The following SYN3 variants were observed in gnomAD, a reference collection of about 807,000 sequenced individuals.
The protein encoded by SYN3 is synapsin III.
Under a neutral mutation model 65.8 loss-of-function variants are expected in SYN3, and 35 were observed. The observed-to-expected ratio is 0.53, with a 90% CI of 0.41 to 0.70. The LOEUF (loss-of-function observed/expected upper bound fraction) is 0.70, where lower values mean the gene tolerates loss of function less well. Ranked by LOEUF, SYN3 falls within the 30% of genes least tolerant of loss-of-function variation. The pLI is 0.00. For missense variants in SYN3, 680 were observed against 749.0 expected (o/e 0.91, Z 1.08); for synonymous variants, 270 against 292.9 (o/e 0.92, Z 0.80).
At chr22:32,946,243 G>C (rs558612016) in intron 3 of SYN3, among the ~76,000 whole-genome samples, 1 of 152,094 alleles carries the variant, frequency 6.6e-6, no homozygotes, top group African/African-American at 2.4e-5. Context: ...ACATGCACAC[G>C]TATGTTTATT....
At chr22:32,653,341 G>C (rs529814373) in intron 6 of SYN3, among the ~76,000 whole-genome samples, 3 of 151,836 alleles carry the variant, frequency 2.0e-5, no homozygotes, top group African/African-American at 4.8e-5. Context: ...GCAAAATCAC[G>C]GCTAAAATAT....
chr22:32,710,817 A>G (rs901889593), intron 6 of SYN3, among the ~76,000 whole-genome samples: 7 of 152,074 alleles, frequency 4.6e-5, no homozygotes, highest in Admixed American at 3.3e-4. Flanking sequence ...TACTGCCTGC[A>G]GAACCATGAG....
At chr22:32,821,751 C>A (rs1392640041) in intron 6 of SYN3, among the ~76,000 whole-genome samples, 1 of 152,216 alleles carries the variant, frequency 6.6e-6, no homozygotes, top group Admixed American at 6.5e-5. Context: ...CACGTAGCTC[C>A]TCTTGTCACC....
chr22:32,657,145 A>T (rs1256702057), intron 6 of SYN3, among the ~76,000 whole-genome samples: 1 of 151,044 alleles, frequency 6.6e-6, no homozygotes, highest in East Asian at 2.0e-4. Context: ...TCTTTTTGAG[A>T]CGGAGTCTTG....
At chr22:32,757,731 C>T (rs1206531396) in intron 6 of SYN3, among the ~76,000 whole-genome samples, 1 of 152,216 alleles carries the variant, frequency 6.6e-6, no homozygotes, top group African/African-American at 2.4e-5. Context: ...GTGTGGAATA[C>T]AGGAGATCCA....
At chr22:32,650,811 T>G (rs1267157613) in intron 6 of SYN3, among the ~76,000 whole-genome samples, 1 of 152,196 alleles carries the variant, frequency 6.6e-6, no homozygotes, top group African/African-American at 2.4e-5. Context: ...AATGAGATAA[T>G]GCATGCCAAG....
At chr22:32,833,271 C>T (rs1164707912) in intron 6 of SYN3, among the ~76,000 whole-genome samples, 1 of 152,152 alleles carries the variant, frequency 6.6e-6, no homozygotes, top group East Asian at 1.9e-4. Flanking sequence ...ATGTCATAAG[C>T]AGGGAGAGAC....
intron 3 of SYN3, among the ~76,000 whole-genome samples, chr22:32,963,157 A>G (rs1256022746): frequency 1.3e-5 from 2 of 151,178 alleles, no homozygotes; most frequent in Admixed American, 1.3e-4. Context: ...GCTCACTGCA[A>G]TCTCTGCCTC....
intron 6 of SYN3, among the ~76,000 whole-genome samples, chr22:32,830,007 T>C (rs1225862037): frequency 6.6e-6 from 1 of 152,202 alleles, no homozygotes; most frequent in Non-Finnish European, 1.5e-5. Context: ...TACCAGTCAA[T>C]GTCCCTCGCT....
intron 6 of SYN3, among the ~76,000 whole-genome samples, chr22:32,741,358 T>TA (rs1381365792): frequency 6.4e-5 from 9 of 140,746 alleles, no homozygotes; most frequent in African/African-American, 2.1e-4. Flanking sequence ...TTTTTTTTTT[T>TA]TTTTTTTTTT....
At chr22:32,668,213 A>G (rs2060316872) in intron 6 of SYN3, among the ~76,000 whole-genome samples, 1 of 152,266 alleles carries the variant, frequency 6.6e-6, no homozygotes, top group East Asian at 1.9e-4. Context: ...GAAAGTATAC[A>G]TGAAGAGTGT....
intron 3 of SYN3, among the ~76,000 whole-genome samples, chr22:32,964,663 GCCTTACA>G (rs1427899066): frequency 6.6e-6 from 1 of 152,090 alleles, no homozygotes; most frequent in African/African-American, 2.4e-5. Context: ...ATAATAATGA[GCCTTACA>G]CCTCAGGAGT....
intron 4 of SYN3, among the ~76,000 whole-genome samples, chr22:32,886,586 T>C (rs1021675512): frequency 1.3e-5 from 2 of 152,206 alleles, no homozygotes; most frequent in African/African-American, 4.8e-5. Flanking sequence ...CGTAGTTTGA[T>C]TTGCTTCGAC....
chr22:32,941,186 G>A (rs2050927600), intron 3 of SYN3, among the ~76,000 whole-genome samples: 1 of 152,172 alleles, frequency 6.6e-6, no homozygotes, highest in Non-Finnish European at 1.5e-5. Context: ...TCAGCTGGTT[G>A]AGAGGGTAAT....
intron 6 of SYN3, among the ~76,000 whole-genome samples, chr22:32,598,336 T>G (rs920528286): frequency 6.6e-6 from 1 of 152,186 alleles, no homozygotes; most frequent in Non-Finnish European, 1.5e-5. Flanking sequence ...GGAAAGTATT[T>G]TAATCACCAT....
chr22:32,580,972 C>T (rs2058931555), intron 7 of SYN3, among the ~76,000 whole-genome samples: 1 of 152,198 alleles, frequency 6.6e-6, no homozygotes, highest in Non-Finnish European at 1.5e-5. Context: ...ACAAGATCCC[C>T]TGGGTGATCT....
chr22:32,788,273 G>C (rs1171409889), intron 6 of SYN3, among the ~76,000 whole-genome samples: 2 of 152,048 alleles, frequency 1.3e-5, no homozygotes, highest in African/African-American at 4.8e-5. Flanking sequence ...TGGGCGTGGT[G>C]GTTCACGCCT....
intron 6 of SYN3, among the ~76,000 whole-genome samples, chr22:32,666,614 T>C (rs2033042424): frequency 6.6e-6 from 1 of 152,208 alleles, no homozygotes; most frequent in Admixed American, 6.5e-5. Flanking sequence ...AGGCCTTCTC[T>C]GGTCACCTTG....
intron 3 of SYN3, among the ~76,000 whole-genome samples, chr22:32,933,584 A>AT (rs1436681524): frequency 1.3e-5 from 2 of 152,046 alleles, no homozygotes; most frequent in African/African-American, 4.8e-5. Flanking sequence ...ATCTGCCACC[A>AT]CACCCAGCTA....
Sources: gnomAD v4.1 joint callset for allele counts (sites outside exome capture counted in the v4.1 genomes callset) on GRCh38, gnomAD v4.1.1 for gene constraint, MANE v1.5 for transcripts, NCBI Gene and HGNC (gene_info 2026-07-23, HGNC 2026-07-21) for gene names.